The following NT5DC3 variants were observed in gnomAD, a reference collection of about 807,000 sequenced individuals.
The protein encoded by NT5DC3 is 5'-nucleotidase domain containing 3.
Under a neutral mutation model 67.8 loss-of-function variants are expected in NT5DC3, and 42 were observed. That is an observed-to-expected ratio of 0.62 (90% CI 0.48 to 0.80). The LOEUF (loss-of-function observed/expected upper bound fraction) is 0.80, where lower values mean the gene tolerates loss of function less well. NT5DC3 is among the 30% of genes least tolerant of loss of function. NT5DC3 has a pLI of 0.00. For synonymous variants in NT5DC3, 237 were observed against 255.6 expected (o/e 0.93, Z 0.69); for missense variants, 570 against 696.4 (o/e 0.82, Z 2.04).
At chr12:103,750,611 T>C in the NT5DC3 span, 8 of 1,614,250 alleles carry the variant, frequency 5.0e-6, no homozygotes, top group Admixed American at 6.7e-5. Flanking sequence ...AAAGTCACTA[T>C]GTCGGAGATG....
intron 11 of NT5DC3, 166 bp from the exon 12 acceptor site, chr12:103,785,641 GC>G (rs1885732810): frequency 1.3e-6 from 1 of 766,030 alleles, no homozygotes. Flanking sequence ...AACCTATTTG[GC>G]CCCAGCCTTT....
chr12:103,811,894 G>A (rs565585928), intron 2 of NT5DC3, among the ~76,000 whole-genome samples: 2 of 152,140 alleles, frequency 1.3e-5, no homozygotes, highest in East Asian at 3.9e-4. Context: ...TTTGCTGAGA[G>A]ATCAGACATG....
the NT5DC3 span, chr12:103,750,469 C>T: frequency 7.1e-7 from 1 of 1,406,740 alleles, no homozygotes; most frequent in East Asian, 2.3e-5. Context: ...GGCACGTTCT[C>T]TTGGTCCATC....
At chr12:103,830,612 A>G (rs908307244) in intron 1 of NT5DC3, among the ~76,000 whole-genome samples, 1 of 152,160 alleles carries the variant, frequency 6.6e-6, no homozygotes, top group Non-Finnish European at 1.5e-5. Context: ...TATCCCCCAG[A>G]CCACTAATTC....
chr12:103,801,619 G>C (rs965470440), intron 4 of NT5DC3, among the ~76,000 whole-genome samples: 1 of 151,780 alleles, frequency 6.6e-6, no homozygotes, highest in African/African-American at 2.4e-5. Context: ...CTGACCTCGT[G>C]ATCTACCTGC....
the NT5DC3 span, chr12:103,759,332 C>CAT: frequency 1.9e-6 from 3 of 1,594,460 alleles, no homozygotes; most frequent in Non-Finnish European, 2.6e-6. Context: ...AAGTTCCTGG[C>CAT]ATACAGTAGG....
At chr12:103,835,707 A>G (rs566038135) in intron 1 of NT5DC3, among the ~76,000 whole-genome samples, 1 of 152,298 alleles carries the variant, frequency 6.6e-6, no homozygotes, top group African/African-American at 2.4e-5. Context: ...CCTTAATCCC[A>G]TATCGCAATG....
chr12:103,758,323 T>A, the NT5DC3 span: 1 of 1,608,748 alleles, frequency 6.2e-7, no homozygotes, highest in Non-Finnish European at 8.5e-7. Flanking sequence ...TGCTTTAGAC[T>A]AGCATGTTAT....
At chr12:103,764,130 G>A in the NT5DC3 span, among the ~76,000 whole-genome samples, 53 of 151,918 alleles carry the variant, frequency 3.5e-4, no homozygotes, top group African/African-American at 1.3e-3. Context: ...ACTTTGTATT[G>A]TTAATACAGA....
chr12:103,763,985 T>TC, the NT5DC3 span, among the ~76,000 whole-genome samples: 1 of 151,002 alleles, frequency 6.6e-6, no homozygotes, highest in African/African-American at 2.4e-5. Context: ...CCTTTAGATG[T>TC]CCTTTTTTTT....
chr12:103,791,477 G>T (rs1338855937), intron 9 of NT5DC3, among the ~76,000 whole-genome samples: 1 of 152,076 alleles, frequency 6.6e-6, no homozygotes, highest in Non-Finnish European at 1.5e-5. Context: ...CCCAGACACC[G>T]ATAAAGGTTT....
At position 103,840,419 on chromosome 12, in the gene NT5DC3, T is replaced by TCATTCCATCC. The variant is rs1380087888; in HGVS notation, c.208+520_208+529dup. Reference sequence around the variant, plus strand: ...TCATCTCATCTCATCTCATCTCATCTCATTCCATCCCATTCCATCCCATCC... The same window carrying TCATTCCATCC: ...TCATCTCATCTCATCTCATCTCATCTCATTCCATCCCATTCCATCCCATTCCATCCCATCC... On this transcript the variant is annotated intron_variant, in intron 1 of 13. Coordinates refer to ENST00000392876, the MANE Select transcript of NT5DC3 (RefSeq NM_001031701.3). Among the ~76,000 whole-genome samples the TCATTCCATCC allele has an allele frequency of 4.8e-5, 6 of 125,914 alleles. No homozygotes were observed. The South Asian group carries it at 7.2e-4, about 15-fold the overall frequency. 82.6% of individuals were successfully genotyped at this position (125,914 alleles called of 152,430 possible).
chr12:103,764,877 C>A, the NT5DC3 span, among the ~76,000 whole-genome samples: 1 of 151,966 alleles, frequency 6.6e-6, no homozygotes, highest in East Asian at 1.9e-4. Flanking sequence ...GCAGGTGGAT[C>A]ACCTGAGGTC....
At chr12:103,767,105 A>G (rs975705583), downstream of NT5DC3, among the ~76,000 whole-genome samples, 7 of 152,206 alleles carry the variant, frequency 4.6e-5, no homozygotes, top group Non-Finnish European at 7.3e-5. Context: ...AGAAATCAAG[A>G]TATGTCCGTA....
At position 103,780,314 on chromosome 12, in the gene NT5DC3, T is replaced by C; in HGVS notation, c.1380A>G (p.Glu460=). The C allele has an allele frequency of 2.5e-6, 4 of 1,614,064 alleles. No individual in the cohort carries two copies. In the South Asian group the frequency reaches 4.4e-5, roughly 18 times the overall value. Reference sequence around the variant, plus strand: ...GCCTCTCTTACCGCATCTCCTTCCTTTCCTTTTTCCACTCCTGCAAAACCA... The same window carrying C: ...GCCTCTCTTACCGCATCTCCTTCCTCTCCTTTTTCCACTCCTGCAAAACCA... ...SQLVLQEWKK[E]RKEMREMTKS... The change falls in exon 13 of 14, where the codon GAA becomes GAG. Residue 460 remains glutamate, a synonymous_variant. Transcript: ENST00000392876.
intron 12 of NT5DC3, among the ~76,000 whole-genome samples, chr12:103,784,002 G>T (rs930698926): frequency 3.3e-5 from 5 of 152,102 alleles, no homozygotes; most frequent in Admixed American, 1.3e-4. Context: ...GCCCTGCCCT[G>T]CCATTTTATG....
intron 11 of NT5DC3, chr12:103,785,751 T>TAAAAAAA (rs201632707): frequency 8.2e-5 from 30 of 367,214 alleles, no homozygotes; most frequent in Non-Finnish European, 1.2e-4. Flanking sequence ...CCATGGTCTG[T>TAAAAAAA]AAAAAAAAAA....
chr12:103,823,838 C>T (rs978974491), intron 1 of NT5DC3, among the ~76,000 whole-genome samples: 1 of 152,116 alleles, frequency 6.6e-6, no homozygotes, highest in Non-Finnish European at 1.5e-5. Context: ...GTCCTATATC[C>T]AAATTTTAAA....
Position 103,841,066 on chromosome 12 carries a change from C to G in NT5DC3, c.91G>C (p.Ala31Pro). 1 of 1,263,264 alleles carries G rather than the reference C, an allele frequency of 7.9e-7. No homozygotes were observed. Among genetic ancestry groups the G allele is most frequent in the Non-Finnish European group, 9.9e-7 (1 of 1,007,792 alleles). The allele number at this position is 1,263,264 out of a possible 1,614,324, so 78.3% of individuals were successfully genotyped here. ...GGGCCCGCACACGGCCGCCCCCGAG[C>G]CGCGGTCCCGCAGCCACCCCGCAAA... is the stretch of plus-strand genomic sequence containing the variant. ...AALRGGCGTAARGRPCAGPAR... is the reference protein window; with the variant it reads ...AALRGGCGTAPRGRPCAGPAR... Residue 31 changes from alanine to proline, a missense_variant, in exon 1 of 14, where the codon GCT becomes CCT. Around this residue, in one of 2 missense-constraint regions of NT5DC3, gnomAD observed 104 missense variants for 88.4 expected, o/e 1.18. Coordinates refer to ENST00000392876, the MANE Select transcript of NT5DC3 (RefSeq NM_001031701.3).
Sources: allele counts gnomAD v4.1 joint callset (sites outside exome capture counted in the v4.1 genomes callset), GRCh38; gene constraint gnomAD v4.1.1; regional missense constraint gnomAD v4.1.1; transcripts MANE v1.5; gene names NCBI Gene and HGNC (gene_info 2026-07-23, HGNC 2026-07-21).